Variants in ADARB2 observed in about 807,000 individuals in gnomAD.
The protein encoded by ADARB2 is inactive double-stranded RNA-specific editase B2.
ADARB2 carries 25 observed loss-of-function variants against 62.2 expected under a neutral mutation model. The ratio of observed to expected loss-of-function variants is 0.40; its 90% CI spans 0.29 to 0.56. The LOEUF (loss-of-function observed/expected upper bound fraction) is 0.56, where lower values mean the gene tolerates loss of function less well. Among genes scored for constraint, ADARB2 ranks in the 20% least tolerant of loss-of-function variants. ADARB2 has a pLI of 0.43. For missense variants in ADARB2, 1,071 were observed against 1,077.4 expected, an observed-to-expected ratio of 0.99 and a Z score of 0.08; for synonymous variants, 572 against 500.8, an observed-to-expected ratio of 1.14 and a Z score of -1.90.
chr10:1,666,827 C>T (rs1360704777), intron 1 of ADARB2, among the ~76,000 whole-genome samples: 1 of 152,204 alleles, frequency 6.6e-6, no homozygotes, highest in African/African-American at 2.4e-5. Flanking sequence ...TCAGCTTTGA[C>T]CAGCACAGTT....
In ADARB2 at chr10:1,562,641, C is replaced by T. The variant is rs540977040; in HGVS notation, c.100+174410G>A. On this transcript the variant is annotated intron_variant, in intron 1 of 9. Transcript: ENST00000381312. The stretch of plus-strand genomic sequence containing the variant: ...TATTCCTAAAAAGGAGAATGACACC[C>T]CCCTGGTTGGAATACTTCCTGGAGG... 2.0e-3 allele frequency among the ~76,000 whole-genome samples: 310 copies of T among 152,352 alleles called. 2 individuals carry two copies. The highest frequency in any genetic ancestry group is 3.7e-3 in the Non-Finnish European group (253 of 68,026).
At chr10:1,715,750 G>A (rs900943168) in intron 1 of ADARB2, among the ~76,000 whole-genome samples, 3 of 152,264 alleles carry the variant, frequency 2.0e-5, no homozygotes, top group African/African-American at 7.2e-5. Flanking sequence ...GGAGCGACCA[G>A]CTGGTGCCGC....
intron 1 of ADARB2, among the ~76,000 whole-genome samples, chr10:1,721,149 A>C (rs1835087716): frequency 6.6e-6 from 1 of 152,194 alleles, no homozygotes; most frequent in Non-Finnish European, 1.5e-5. Flanking sequence ...CCTCTGCTTG[A>C]GGGGATGTCA....
In ADARB2 at chr10:1,181,425, C is replaced by G. The variant is rs1050160770; in HGVS notation, c.*1768G>C. On this transcript the variant is annotated 3_prime_UTR_variant, in exon 10 of 10. Transcript: ENST00000381312. ...AGTCCTTTATTTGAAAAAATGTTCT[C>G]GTATCTTTTGAAACTTTATCTGGAA... The G allele has an allele frequency of 1.3e-5, 2 of 152,172 alleles. No individual in the cohort carries two copies. Among genetic ancestry groups the G allele is most frequent in the Non-Finnish European group, 2.9e-5 (2 of 68,022 alleles). 9.4% of individuals were successfully genotyped at this position (152,172 alleles called of 1,614,324 possible). A position where few individuals can be genotyped will look rare whatever the true frequency, so the allele number is the denominator to read the frequency against.
chr10:1,617,033 G>T (rs113060557), intron 1 of ADARB2, among the ~76,000 whole-genome samples: 2 of 111,926 alleles, frequency 1.8e-5, no homozygotes, highest in East Asian at 3.1e-4. Context: ...ACTCCACACC[G>T]CCCTGCTGTG....
chr10:1,538,525 C>T (rs569833858), intron 1 of ADARB2, among the ~76,000 whole-genome samples: 12 of 152,212 alleles, frequency 7.9e-5, no homozygotes, highest in Non-Finnish European at 1.3e-4. Context: ...GAGGATCACG[C>T]GGCCCCCAGA....
intron 3 of ADARB2, among the ~76,000 whole-genome samples, chr10:1,321,858 C>G (rs578024232): frequency 1.3e-5 from 2 of 152,076 alleles, no homozygotes; most frequent in East Asian, 3.9e-4. Flanking sequence ...TCATTCCTGC[C>G]TGTGGGCATG....
intron 1 of ADARB2, among the ~76,000 whole-genome samples, chr10:1,731,728 C>A (rs1835234276): frequency 6.6e-6 from 1 of 152,206 alleles, no homozygotes; most frequent in African/African-American, 2.4e-5. Context: ...GAATCAGGTT[C>A]TCGGCCACAC....
At chr10:1,193,767 C>G (rs530273418) in intron 8 of ADARB2, among the ~76,000 whole-genome samples, 2 of 152,250 alleles carry the variant, frequency 1.3e-5, no homozygotes, top group African/African-American at 4.8e-5. Context: ...TTTAAAGATG[C>G]CATTTCATTG....
intron 1 of ADARB2, among the ~76,000 whole-genome samples, chr10:1,517,281 T>C (rs1832018979): frequency 6.6e-6 from 1 of 152,216 alleles, no homozygotes; most frequent in African/African-American, 2.4e-5. Flanking sequence ...CTTCAGATCA[T>C]TTAGGCAAAT....
At chr10:1,416,235 A>G (rs1443025471) in intron 1 of ADARB2, among the ~76,000 whole-genome samples, 1 of 152,274 alleles carries the variant, frequency 6.6e-6, no homozygotes, top group Admixed American at 6.5e-5. Flanking sequence ...ACACACATGT[A>G]CATTTGCATG....
intron 1 of ADARB2, among the ~76,000 whole-genome samples, chr10:1,678,863 T>A (rs1236655126): frequency 6.6e-6 from 1 of 151,900 alleles, no homozygotes; most frequent in Non-Finnish European, 1.5e-5. Context: ...CCCTGCTGCC[T>A]GGGGTTGTCT....
intron 1 of ADARB2, among the ~76,000 whole-genome samples, chr10:1,433,378 A>G (rs1157292322): frequency 6.6e-6 from 1 of 152,184 alleles, no homozygotes; most frequent in Admixed American, 6.5e-5. Flanking sequence ...GACTGATTTT[A>G]AAGTGATCTC....
chr10:1,516,014 G>A (rs925007005), intron 1 of ADARB2, among the ~76,000 whole-genome samples: 2 of 152,180 alleles, frequency 1.3e-5, no homozygotes, highest in Non-Finnish European at 2.9e-5. Context: ...CAGGAGATCT[G>A]AGCCAGTGCC....
intron 1 of ADARB2, among the ~76,000 whole-genome samples, chr10:1,678,906 G>A (rs1454363770): frequency 6.6e-6 from 1 of 152,192 alleles, no homozygotes; most frequent in African/African-American, 2.4e-5. Flanking sequence ...CTAGCACAGA[G>A]GAGGAGAGAG....
chr10:1,416,035 C>G (rs765392200), intron 1 of ADARB2, among the ~76,000 whole-genome samples: 18 of 152,238 alleles, frequency 1.2e-4, no homozygotes, highest in Non-Finnish European at 2.2e-4. Flanking sequence ...AACTCAAGAC[C>G]CGCCATGGGG....
chr10:1,280,478 G>T (rs570348135), intron 3 of ADARB2, among the ~76,000 whole-genome samples: 1 of 152,338 alleles, frequency 6.6e-6, no homozygotes, highest in East Asian at 1.9e-4. Context: ...TAGGAGGGCT[G>T]TGTGACCAGG....
intron 1 of ADARB2, among the ~76,000 whole-genome samples, chr10:1,653,707 C>A (rs1474229291): frequency 6.6e-6 from 1 of 152,222 alleles, no homozygotes; most frequent in East Asian, 1.9e-4. Context: ...TCGGTCTCAT[C>A]TCCTCCCAAA....
intron 1 of ADARB2, among the ~76,000 whole-genome samples, chr10:1,401,904 G>A (rs567125544): frequency 9.2e-5 from 14 of 152,310 alleles, no homozygotes; most frequent in Admixed American, 7.8e-4. Context: ...GGAGGGCTGA[G>A]TTCTACAGAA....
Sources: allele counts gnomAD v4.1 joint callset (sites outside exome capture counted in the v4.1 genomes callset), GRCh38; gene constraint gnomAD v4.1.1; transcripts MANE v1.5; gene names NCBI Gene and HGNC (gene_info 2026-07-23, HGNC 2026-07-21).